Variants in ELMO1 observed in about 807,000 individuals in gnomAD.
ELMO1 encodes the protein engulfment and cell motility 1.
Under a neutral mutation model 98.9 loss-of-function variants are expected in ELMO1, and 26 were observed. That is an observed-to-expected ratio of 0.26 (90% confidence interval 0.19 to 0.36). ELMO1 has a LOEUF of 0.36. Ranked by LOEUF, ELMO1 falls within the 10% of genes least tolerant of loss-of-function variation. ELMO1 has a pLI of 1.00. For synonymous variants in ELMO1, 346 were observed against 346.0 expected (o/e 1.00, Z 0.00); for missense variants, 627 against 935.2 (o/e 0.67, Z 4.30).
chr7:37,391,006 C>CCTTCCTT, intron 1 of ELMO1, among the ~76,000 whole-genome samples: 1 of 130,068 alleles, frequency 7.7e-6, no homozygotes, highest in Non-Finnish European at 1.7e-5. Flanking sequence ...GGAAAGTAGT[C>CCTTCCTT]CCTTCCTTCC....
chr7:36,997,535 T>C (rs1000190548), intron 16 of ELMO1, among the ~76,000 whole-genome samples: 1 of 152,110 alleles, frequency 6.6e-6, no homozygotes, highest in Non-Finnish European at 1.5e-5. Context: ...GGATTTCAAG[T>C]CCAAGATATG....
At chr7:36,968,628 T>C (rs1789650173) in intron 16 of ELMO1, among the ~76,000 whole-genome samples, 1 of 152,184 alleles carries the variant, frequency 6.6e-6, no homozygotes, top group South Asian at 2.1e-4. Context: ...AATTCTTACA[T>C]TTTCTCTACA....
intron 2 of ELMO1, among the ~76,000 whole-genome samples, chr7:37,331,364 A>C (rs1171569918): frequency 1.4e-4 from 1 of 7,044 alleles, no homozygotes; most frequent in African/African-American, 3.6e-4. Flanking sequence ...TTGGAATTTT[A>C]GTAGAGACAG....
intron 13 of ELMO1, among the ~76,000 whole-genome samples, chr7:37,199,722 C>G (rs1386161021): frequency 6.6e-6 from 1 of 152,204 alleles, no homozygotes; most frequent in Non-Finnish European, 1.5e-5. Context: ...TGACAGAGAG[C>G]TTGTGTTAGG....
intron 13 of ELMO1, among the ~76,000 whole-genome samples, chr7:37,183,805 T>C (rs530036830): frequency 1.3e-5 from 2 of 152,276 alleles, no homozygotes; most frequent in South Asian, 4.1e-4. Flanking sequence ...ATTTCACTGG[T>C]AAACGTATAA....
intron 1 of ELMO1, among the ~76,000 whole-genome samples, chr7:37,347,462 T>G (rs1801061106): frequency 6.6e-6 from 1 of 152,192 alleles, no homozygotes; most frequent in Admixed American, 6.5e-5. Flanking sequence ...GGGAGATAAC[T>G]GAATTACAGG....
intron 13 of ELMO1, among the ~76,000 whole-genome samples, chr7:37,148,497 A>C (rs545927875): frequency 6.6e-6 from 1 of 152,328 alleles, no homozygotes; most frequent in East Asian, 1.9e-4. Context: ...CAGAATTAAG[A>C]CTTCCTGAAT....
At chr7:37,079,165 C>T (rs1027274150) in intron 15 of ELMO1, among the ~76,000 whole-genome samples, 3 of 152,096 alleles carry the variant, frequency 2.0e-5, no homozygotes, top group Non-Finnish European at 4.4e-5. Flanking sequence ...ACCAAATCTT[C>T]CCCAGGAGCA....
intron 13 of ELMO1, among the ~76,000 whole-genome samples, chr7:37,134,373 C>A (rs998448060): frequency 1.3e-5 from 2 of 152,020 alleles, no homozygotes; most frequent in Non-Finnish European, 2.9e-5. Context: ...TTGAGACCAA[C>A]ATAGTAAAAC....
intron 18 of ELMO1, among the ~76,000 whole-genome samples, chr7:36,879,677 G>A (rs1159719505): frequency 6.6e-6 from 1 of 152,192 alleles, no homozygotes; most frequent in Non-Finnish European, 1.5e-5. Context: ...TGAGAATTCT[G>A]AAGCATAGTC....
In ELMO1 at chr7:37,204,788, T is replaced by A. The variant is rs544467175; in HGVS notation, c.1086+6598A>T. On this transcript the variant is annotated intron_variant, in intron 13 of 21. Coordinates refer to ENST00000310758, the MANE Select transcript of ELMO1 (RefSeq NM_014800.11). Reference sequence around the variant, plus strand: ...CACTGATTGGTGCATTTACAATCCTTTAGCTAGAAAGAAAAGTTCTCCAAG... The same window carrying A: ...CACTGATTGGTGCATTTACAATCCTATAGCTAGAAAGAAAAGTTCTCCAAG... Among the ~76,000 whole-genome samples, 217 of 152,224 alleles carry A rather than the reference T, an allele frequency of 1.4e-3. 1 individual carries two copies. The highest frequency in any genetic ancestry group is 8.5e-3 in the South Asian group (41 of 4,818).
At chr7:37,229,966 G>A (rs36038294) in intron 8 of ELMO1, among the ~76,000 whole-genome samples, 11,698 of 152,044 alleles carry the variant, frequency 0.077, 550 homozygotes, top group South Asian at 0.18. Context: ...TTAAATGACT[G>A]TCATTCTCTT....
At chr7:37,207,274 G>A (rs1406795228) in intron 13 of ELMO1, among the ~76,000 whole-genome samples, 1 of 152,198 alleles carries the variant, frequency 6.6e-6, no homozygotes, top group Admixed American at 6.5e-5. Context: ...ATCCCGGCAG[G>A]GCACGGTGGC....
intron 19 of ELMO1, among the ~76,000 whole-genome samples, chr7:36,872,703 T>C (rs182153266): frequency 2.0e-4 from 31 of 152,258 alleles, no homozygotes; most frequent in Admixed American, 1.9e-3. Flanking sequence ...ATCCCTACCG[T>C]AGGAAGGGAC....
chr7:36,897,541 G>A lies in ELMO1; in HGVS notation c.1438-2524C>T, dbSNP rs147482192. Among the ~76,000 whole-genome samples the A allele has an allele frequency of 6.4e-4, 97 of 152,242 alleles. 1 individual carries two copies. The East Asian group carries it at 0.016, about 25-fold the overall frequency. ...AGTCCAAGAGGAGGACCAGCTGTGG[G>A]GCTGAGATTGTCCAGGGAAAGGGAG... On this transcript the variant is annotated intron_variant, in intron 16 of 21. Transcript: ENST00000310758.
chr7:37,378,206 T>C (rs1194044668), intron 1 of ELMO1, among the ~76,000 whole-genome samples: 3 of 152,216 alleles, frequency 2.0e-5, no homozygotes, highest in Non-Finnish European at 4.4e-5. Context: ...ATGGGGACTC[T>C]GCCCTGGGAC....
chr7:37,243,311 C>A (rs534690762), intron 7 of ELMO1, among the ~76,000 whole-genome samples: 15 of 152,252 alleles, frequency 9.9e-5, no homozygotes, highest in Admixed American at 4.6e-4. Context: ...CCCAGCTCCT[C>A]CATCTGATTT....
At chr7:37,356,162 A>G (rs745690700) in intron 1 of ELMO1, among the ~76,000 whole-genome samples, 2 of 151,644 alleles carry the variant, frequency 1.3e-5, no homozygotes, top group Admixed American at 6.6e-5. Context: ...ACAAAATTCC[A>G]TGGTGTCTAT....
chr7:37,309,404 G>C (rs560167397), intron 4 of ELMO1, among the ~76,000 whole-genome samples: 1 of 152,286 alleles, frequency 6.6e-6, no homozygotes, highest in South Asian at 2.1e-4. Context: ...GATGAGATTT[G>C]GGTGGGGACA....
Sources: gnomAD v4.1 joint callset for allele counts (sites outside exome capture counted in the v4.1 genomes callset) on GRCh38, gnomAD v4.1.1 for gene constraint, MANE v1.5 for transcripts, NCBI Gene and HGNC (gene_info 2026-07-23, HGNC 2026-07-21) for gene names.